The following SMYD3 variants were observed in gnomAD, a reference collection of about 807,000 sequenced individuals.
SMYD3 encodes histone-lysine N-methyltransferase SMYD3.
A neutral mutation model predicts 57.7 loss-of-function variants in SMYD3; 36 were observed. That is an observed-to-expected ratio of 0.62 (90% confidence interval 0.48 to 0.82). The LOEUF (loss-of-function observed/expected upper bound fraction) is 0.82, where lower values mean the gene tolerates loss of function less well. Ranked by LOEUF, SMYD3 falls within the 40% of genes least tolerant of loss-of-function variation. SMYD3 has a pLI of 0.00. For synonymous variants in SMYD3, 211 were observed against 195.0 expected, an observed-to-expected ratio of 1.08 and a Z score of -0.68; for missense variants, 515 against 538.8, an observed-to-expected ratio of 0.96 and a Z score of 0.44.
At chr1:245,840,277 C>A (rs968385462) in intron 10 of SMYD3, among the ~76,000 whole-genome samples, 7 of 152,072 alleles carry the variant, frequency 4.6e-5, no homozygotes, top group African/African-American at 1.7e-4. Context: ...AAGAGCAGAG[C>A]AGAGCCTAAA....
intron 1 of SMYD3, among the ~76,000 whole-genome samples, chr1:246,382,215 C>T (rs557297929): frequency 5.3e-5 from 8 of 152,214 alleles, no homozygotes; most frequent in South Asian, 4.1e-4. Flanking sequence ...CCAGGCCCAA[C>T]GCAGGCTCCA....
At chr1:246,481,896 C>T (rs2068115532) in intron 1 of SMYD3, among the ~76,000 whole-genome samples, 1 of 151,640 alleles carries the variant, frequency 6.6e-6, no homozygotes, top group Non-Finnish European at 1.5e-5. Flanking sequence ...ATGGCTCACA[C>T]TTGCAATCCC....
At chr1:246,074,442 C>G (rs1001364575) in intron 5 of SMYD3, among the ~76,000 whole-genome samples, 2 of 151,138 alleles carry the variant, frequency 1.3e-5, no homozygotes, top group African/African-American at 4.9e-5. Context: ...TAAGGCAGCT[C>G]CTCCCATATA....
rs187226239 is a variant in SMYD3, at chr1:245,905,223, A to T, written c.813+10307T>A. Among the ~76,000 whole-genome samples the T allele has an allele frequency of 1.3e-3, 201 of 151,864 alleles. 1 individual carries two copies. In the South Asian group the frequency reaches 0.014, roughly 10 times the overall value. On this transcript the variant is annotated intron_variant, in intron 8 of 11. Transcript: ENST00000490107. ...TCTGTTTGAGAAAAGCAGAGAGAAAAATAAAAGGGACTCAACTACCAACAT... is the reference window on the plus strand; with the variant it reads ...TCTGTTTGAGAAAAGCAGAGAGAAATATAAAAGGGACTCAACTACCAACAT...
At chr1:246,089,884 C>CTT (rs5782382) in intron 5 of SMYD3, among the ~76,000 whole-genome samples, 1 of 143,896 alleles carries the variant, frequency 6.9e-6, no homozygotes, top group Non-Finnish European at 1.5e-5. Context: ...TGGTAGTTTG[C>CTT]TTTTTTTTTT....
At chr1:245,893,627 G>C (rs9287201) in intron 8 of SMYD3, among the ~76,000 whole-genome samples, 151,920 of 152,296 alleles carry the variant, frequency 1, 75,775 homozygotes, top group Middle Eastern at 1. Context: ...ATATGATATT[G>C]TGGAAAAGGT....
At chr1:246,074,124 A>G (rs917409024) in intron 5 of SMYD3, among the ~76,000 whole-genome samples, 2 of 152,180 alleles carry the variant, frequency 1.3e-5, no homozygotes, top group African/African-American at 4.8e-5. Context: ...GTATGGCTCA[A>G]GACAATTTGT....
At chr1:246,076,723 T>C (rs1046656964) in intron 5 of SMYD3, among the ~76,000 whole-genome samples, 4 of 150,948 alleles carry the variant, frequency 2.6e-5, no homozygotes, top group Admixed American at 6.6e-5. Flanking sequence ...TTGGATGAGA[T>C]AGAAAACAGA....
At chr1:245,858,711 GA>G (rs763944374) in intron 9 of SMYD3, 41 bp from the exon 10 acceptor site, 2 of 1,576,328 alleles carry the variant, frequency 1.3e-6, no homozygotes, top group African/African-American at 1.4e-5. Context: ...TCTTCATCAA[GA>G]AAAAAACAAA....
chr1:246,410,367 G>A (rs895396068), intron 1 of SMYD3, among the ~76,000 whole-genome samples: 1 of 152,156 alleles, frequency 6.6e-6, no homozygotes, highest in African/African-American at 2.4e-5. Context: ...TTTATTGAGA[G>A]TTTTTAGCAT....
At chr1:246,385,990 A>G (rs2066472033) in intron 1 of SMYD3, among the ~76,000 whole-genome samples, 1 of 151,338 alleles carries the variant, frequency 6.6e-6, no homozygotes, top group African/African-American at 2.4e-5. Context: ...TTGGGTTCAC[A>G]CCATTCTCCT....
At chr1:246,182,628 GT>G (rs2062571694) in intron 5 of SMYD3, among the ~76,000 whole-genome samples, 1 of 152,180 alleles carries the variant, frequency 6.6e-6, no homozygotes, top group African/African-American at 2.4e-5. Flanking sequence ...TTCTGAAACA[GT>G]TAGGTGCACT....
At chr1:246,235,172 T>C (rs2063493921) in intron 5 of SMYD3, among the ~76,000 whole-genome samples, 1 of 152,148 alleles carries the variant, frequency 6.6e-6, no homozygotes. Context: ...AGGCAGAAGA[T>C]ATACAATCAT....
At chr1:245,976,856 T>C (rs376963578) in intron 5 of SMYD3, among the ~76,000 whole-genome samples, 144 of 21,016 alleles carry the variant, frequency 6.9e-3, no homozygotes, top group Admixed American at 0.023. Flanking sequence ...CCATCGTCTC[T>C]AGCCTAGGGA....
At chr1:245,794,960 G>A (rs2047458524) in intron 10 of SMYD3, among the ~76,000 whole-genome samples, 1 of 151,942 alleles carries the variant, frequency 6.6e-6, no homozygotes, top group Non-Finnish European at 1.5e-5. Context: ...TTTCCATATG[G>A]AGTGAATTTC....
intron 8 of SMYD3, among the ~76,000 whole-genome samples, chr1:245,906,818 A>T (rs1177250637): frequency 6.6e-6 from 1 of 152,236 alleles, no homozygotes; most frequent in Non-Finnish European, 1.5e-5. Context: ...GCCAGAAAAA[A>T]ATGAGATCCA....
At chr1:246,039,945 G>C (rs1349003152) in intron 5 of SMYD3, among the ~76,000 whole-genome samples, 2 of 152,248 alleles carry the variant, frequency 1.3e-5, no homozygotes, top group Admixed American at 1.3e-4. Flanking sequence ...TCAAGTACTA[G>C]AAAAGTAACA....
rs375674102 is a variant in SMYD3, at chr1:245,893,675, G to T, written c.813+21855C>A. On this transcript the variant is annotated intron_variant, in intron 8 of 11. Coordinates refer to ENST00000490107, the MANE Select transcript of SMYD3 (RefSeq NM_001167740.2). ...ACAGAAAGAAGATTTGGGTTAGCAG[G>T]TGCTGGGAGTGGGGTATAGACATGG... Among the ~76,000 whole-genome samples the T allele has an allele frequency of 1.8e-4, 27 of 152,286 alleles. No homozygotes were observed. In the East Asian group the frequency reaches 5.2e-3, roughly 29 times the overall value.
chr1:245,793,075 C>T (rs1451655450), intron 10 of SMYD3, among the ~76,000 whole-genome samples: 5 of 51,430 alleles, frequency 9.7e-5, no homozygotes, highest in Admixed American at 4.4e-4. Flanking sequence ...CTTTGGGAGG[C>T]CGAGGCGGGT....
Sources: allele counts gnomAD v4.1 joint callset (sites outside exome capture counted in the v4.1 genomes callset), GRCh38; gene constraint gnomAD v4.1.1; transcripts MANE v1.5; gene names NCBI Gene and HGNC (gene_info 2026-07-23, HGNC 2026-07-21).